Variants in DPT observed in about 807,000 individuals in gnomAD.
The protein encoded by DPT is dermatopontin, also known as tyrosine-rich acidic matrix protein.
In DPT, 21 loss-of-function variants were observed where a neutral mutation model predicts 31.2. The ratio of observed to expected loss-of-function variants is 0.67; its 90% CI spans 0.48 to 0.97. The LOEUF (loss-of-function observed/expected upper bound fraction) is 0.97, where lower values mean the gene tolerates loss of function less well. Ranked by LOEUF, DPT falls within the 50% of genes least tolerant of loss-of-function variation. The probability of loss-of-function intolerance (pLI) is 0.00; values close to 1 mark genes in which losing one functional copy is unlikely to be tolerated. For missense variants in DPT, 262 were observed against 258.8 expected (o/e 1.01, Z -0.08); for synonymous variants, 91 against 86.9 (o/e 1.05, Z -0.26).
intron 2 of DPT, among the ~76,000 whole-genome samples, chr1:168,705,451 A>G (rs1324955347): frequency 6.6e-6 from 1 of 152,154 alleles, no homozygotes; most frequent in Non-Finnish European, 1.5e-5. Context: ...AGAAAAGCAC[A>G]CACCACAGAC....
intron 1 of DPT, among the ~76,000 whole-genome samples, chr1:168,728,126 A>G (rs566884818): frequency 6.6e-6 from 1 of 152,314 alleles, no homozygotes; most frequent in African/African-American, 2.4e-5. Context: ...AAGCTCGAAA[A>G]AATTCCATGC....
Position 168,698,598 on chromosome 1 carries a change from G to A in DPT, c.540-1983C>T, listed in dbSNP as rs149838065. Among the ~76,000 whole-genome samples, 186 of 152,134 alleles carry A rather than the reference G, an allele frequency of 1.2e-3. 2 individuals carry two copies. The highest frequency in any genetic ancestry group is 4.3e-3 in the African/African-American group (179 of 41,506). ...CTGATTTCACACCAGGACAGTGGGG[G>A]CAAATTTGCTCCCCAAGGGAATACT... On this transcript the variant is annotated intron_variant, in intron 3 of 3. Transcript: ENST00000367817.
intron 3 of DPT, among the ~76,000 whole-genome samples, chr1:168,700,671 ACT>A (rs1649574078): frequency 2.0e-5 from 3 of 151,760 alleles, no homozygotes; most frequent in African/African-American, 7.3e-5. Context: ...CGAGTTTAGG[ACT>A]CTCTGCTCTT....
chr1:168,709,523 A>G (rs1280885973), intron 2 of DPT, among the ~76,000 whole-genome samples: 1 of 152,202 alleles, frequency 6.6e-6, no homozygotes, highest in Non-Finnish European at 1.5e-5. Context: ...CTGAAACGAG[A>G]GCAGCACCTT....
intron 3 of DPT, among the ~76,000 whole-genome samples, chr1:168,699,972 G>T (rs1649556045): frequency 6.6e-6 from 1 of 152,122 alleles, no homozygotes; most frequent in Admixed American, 6.5e-5. Flanking sequence ...AAAAGTGTTA[G>T]TGCTGTTTTT....
chr1:168,725,135 G>A (rs1650209194), intron 1 of DPT, among the ~76,000 whole-genome samples: 1 of 151,982 alleles, frequency 6.6e-6, no homozygotes, highest in Non-Finnish European at 1.5e-5. Context: ...TATCCTACAA[G>A]TATCACAGTA....
chr1:168,711,010 C>T (rs12084348), intron 2 of DPT, among the ~76,000 whole-genome samples: 63,380 of 148,376 alleles, frequency 0.43, 14,657 homozygotes, highest in African/African-American at 0.6. Context: ...TTTTTTTTTT[C>T]TTCTTCTTCT....
chr1:168,718,097 C>T (rs1650024801), intron 1 of DPT, among the ~76,000 whole-genome samples: 1 of 152,218 alleles, frequency 6.6e-6, no homozygotes, highest in African/African-American at 2.4e-5. Flanking sequence ...ATGCTGCCTT[C>T]CTCTAAAACA....
chr1:168,715,376 T>C (rs1016667336), intron 1 of DPT, among the ~76,000 whole-genome samples: 1 of 151,608 alleles, frequency 6.6e-6, no homozygotes, highest in Admixed American at 6.6e-5. Flanking sequence ...ATTTTCTACC[T>C]GACCACAGTG....
intron 1 of DPT, among the ~76,000 whole-genome samples, chr1:168,722,386 C>G (rs542065998): frequency 6.6e-6 from 1 of 152,148 alleles, no homozygotes; most frequent in Admixed American, 6.5e-5. Flanking sequence ...TCAACTCCAG[C>G]TTTGTAATTT....
intron 3 of DPT, among the ~76,000 whole-genome samples, chr1:168,698,328 C>T (rs192079968): frequency 1.1e-4 from 16 of 152,230 alleles, no homozygotes; most frequent in Admixed American, 9.8e-4. Flanking sequence ...ATTTTGATTC[C>T]TGCAATTGTC....
chr1:168,728,691 C>G (rs1650304753), intron 1 of DPT, among the ~76,000 whole-genome samples, 179 bp downstream of exon 1: 1 of 152,178 alleles, frequency 6.6e-6, no homozygotes, highest in South Asian at 2.1e-4. Context: ...GGTTTTTGTC[C>G]TGTCATGTAG....
chr1:168,699,815 T>G lies in DPT; in HGVS notation c.539+1202A>C, dbSNP rs1572623559. Among the ~76,000 whole-genome samples the G allele has an allele frequency of 2.0e-5, 3 of 152,186 alleles. No individual in the cohort carries two copies. In the East Asian group the frequency reaches 5.8e-4, roughly 29 times the overall value. Reference sequence around the variant, plus strand: ...CTGTGTAAAGTGATTATCGGCTGACTAAAAGTAGGCCAAACCAATCATTAA... The same window carrying G: ...CTGTGTAAAGTGATTATCGGCTGACGAAAAGTAGGCCAAACCAATCATTAA... On this transcript the variant is annotated intron_variant, in intron 3 of 3. Transcript: ENST00000367817.
At chr1:168,724,258 C>T (rs1650187288) in intron 1 of DPT, among the ~76,000 whole-genome samples, 1 of 152,142 alleles carries the variant, frequency 6.6e-6, no homozygotes, top group Non-Finnish European at 1.5e-5. Context: ...TGCAATAAAT[C>T]AAAATGAGAT....
rs912129197 is a variant in DPT, at chr1:168,727,428, C to G, written c.305+1442G>C. Among the ~76,000 whole-genome samples, 21 of 152,200 alleles carry G rather than the reference C, an allele frequency of 1.4e-4. No homozygotes were observed. In the South Asian group the frequency reaches 2.5e-3, roughly 18 times the overall value. Reference sequence around the variant, plus strand: ...TGTTGTCATTACTTAAAGGCCCGCTCTCTTTCCTGGCTCCCCCACCCATCG... The same window carrying G: ...TGTTGTCATTACTTAAAGGCCCGCTGTCTTTCCTGGCTCCCCCACCCATCG... On this transcript the variant is annotated intron_variant, in intron 1 of 3. Transcript: ENST00000367817.
At chr1:168,706,734 G>C (rs560968909) in intron 2 of DPT, among the ~76,000 whole-genome samples, 2 of 152,280 alleles carry the variant, frequency 1.3e-5, no homozygotes, top group East Asian at 3.9e-4. Context: ...ACAACACGAG[G>C]GAATAACAGT....
chr1:168,701,550 A>G (rs1429214471), intron 2 of DPT, among the ~76,000 whole-genome samples: 1 of 152,244 alleles, frequency 6.6e-6, no homozygotes, highest in Non-Finnish European at 1.5e-5. Flanking sequence ...ATATAAAAGC[A>G]TGCATCACAT....
intron 1 of DPT, among the ~76,000 whole-genome samples, chr1:168,721,709 A>G (rs1032343784): frequency 6.6e-6 from 1 of 152,156 alleles, no homozygotes; most frequent in African/African-American, 2.4e-5. Context: ...TACACATTTC[A>G]CCTAACACAT....
intron 1 of DPT, among the ~76,000 whole-genome samples, chr1:168,723,298 C>A (rs533639753): frequency 1.3e-5 from 2 of 152,356 alleles, no homozygotes; most frequent in East Asian, 3.9e-4. Flanking sequence ...GCTAGCCATG[C>A]AAGGGCAACC....
Sources: gnomAD v4.1 joint callset for allele counts (sites outside exome capture counted in the v4.1 genomes callset) on GRCh38, gnomAD v4.1.1 for gene constraint, MANE v1.5 for transcripts, NCBI Gene and HGNC (gene_info 2026-07-23, HGNC 2026-07-21) for gene names.